Variants in INPP4A observed in about 807,000 individuals in gnomAD.
INPP4A encodes inositol polyphosphate-4-phosphatase, type I, 107kD.
Under a neutral mutation model 119.8 loss-of-function variants are expected in INPP4A, and 33 were observed. The observed-to-expected ratio is 0.28, with a 90% CI of 0.21 to 0.37. The LOEUF is 0.37. Ranked by LOEUF, INPP4A falls within the 10% of genes least tolerant of loss-of-function variation. The pLI, the probability that INPP4A is intolerant of heterozygous loss-of-function variation, is 1.00. For missense variants in INPP4A, 956 were observed against 1,289.9 expected (o/e 0.74, Z 3.97); for synonymous variants, 496 against 500.7 (o/e 0.99, Z 0.12).
chr2:98,548,918 A>G (rs1256203529), intron 13 of INPP4A: 9 of 1,589,348 alleles, frequency 5.7e-6, no homozygotes, highest in South Asian at 1.2e-5. Flanking sequence ...TTGCTAACAA[A>G]CTGCTAATAT....
intron 13 of INPP4A, 27 bp from the exon 14 acceptor site, chr2:98,552,759 C>T (rs1179858978): frequency 1.3e-6 from 2 of 1,568,460 alleles, no homozygotes; most frequent in Non-Finnish European, 1.8e-6. Flanking sequence ...TGGAGAATCC[C>T]TTAGAATCCA....
intron 1 of INPP4A, among the ~76,000 whole-genome samples, chr2:98,475,388 A>G (rs1367251291): frequency 1.3e-5 from 2 of 152,166 alleles, no homozygotes; most frequent in East Asian, 1.9e-4. Context: ...CTAAAACCCC[A>G]TGGGCGGTGT....
intron 21 of INPP4A, among the ~76,000 whole-genome samples, chr2:98,567,075 C>T (rs1172487647): frequency 6.6e-6 from 1 of 152,154 alleles, no homozygotes; most frequent in Non-Finnish European, 1.5e-5. Context: ...GAAGAACTCT[C>T]AGTGGGGCAG....
Position 98,546,803 on chromosome 2 carries a change from T to A in INPP4A, c.1163+109T>A. The A allele has an allele frequency of 1.4e-6, 1 of 705,406 alleles. No individual in the cohort carries two copies. Among genetic ancestry groups the A allele is most frequent in the Middle Eastern group, 2.5e-4 (1 of 4,036 alleles). The allele number at this position is 705,406 out of a possible 1,614,324, so 43.7% of individuals were successfully genotyped here. On this transcript the variant is annotated intron_variant, in intron 13 of 24. Coordinates refer to ENST00000409851, the MANE Select transcript of INPP4A (RefSeq NM_001134225.2). The surrounding 1 kb of genome is among the most constrained non-coding windows in gnomAD (Gnocchi z 4.2). ...CGCAAAAACACCCAGCCATCTGATC[T>A]GCTTTTGCGTGGCAGGAGGATCTGC... is the stretch of plus-strand genomic sequence containing the variant.
intron 8 of INPP4A, among the ~76,000 whole-genome samples, 180 bp from the exon 9 acceptor site, chr2:98,538,711 A>T (rs1289781699): frequency 1.3e-5 from 2 of 152,256 alleles, no homozygotes; most frequent in African/African-American, 4.8e-5. Context: ...GCATGAAGTG[A>T]TTCAACACAC....
In INPP4A at chr2:98,587,723, T is replaced by TTA. The variant is rs1553525471; in HGVS notation, c.*115_*116insTA. 2.0e-5 allele frequency: 18 copies of TTA among 904,980 alleles called. No homozygotes were observed. The African/African-American group carries it at 3.2e-4, about 16-fold the overall frequency. The allele number at this position is 904,980 out of a possible 1,614,324, so 56.1% of individuals were successfully genotyped here. ...TGGTTTTTATTTTTTGTGGTTTTTT[T>TTA]AAAAAAAACATTTCACTAAAGAGTC... On this transcript the variant is annotated 3_prime_UTR_variant, in exon 25 of 25. Transcript: ENST00000409851.
intron 1 of INPP4A, among the ~76,000 whole-genome samples, chr2:98,509,665 C>T (rs1342320685): frequency 6.6e-6 from 1 of 152,196 alleles, no homozygotes; most frequent in South Asian, 2.1e-4. Flanking sequence ...CCGCCCACCC[C>T]AGGCTGCTCC....
intron 1 of INPP4A, among the ~76,000 whole-genome samples, chr2:98,491,875 A>C (rs1266367935): frequency 6.6e-6 from 1 of 150,990 alleles, no homozygotes; most frequent in Non-Finnish European, 1.5e-5. Flanking sequence ...ATAAGTTCAA[A>C]ATATCATATG....
chr2:98,568,349 G>A (rs1240024781), intron 21 of INPP4A, among the ~76,000 whole-genome samples: 3 of 152,152 alleles, frequency 2.0e-5, no homozygotes, highest in South Asian at 2.1e-4. Context: ...TCTCAGGCAC[G>A]CCTGTAACAG....
chr2:98,509,403 C>T (rs1475081047), intron 1 of INPP4A, among the ~76,000 whole-genome samples: 1 of 152,210 alleles, frequency 6.6e-6, no homozygotes. Context: ...TTGCGTGCTC[C>T]TTATGAGAAT....
intron 1 of INPP4A, among the ~76,000 whole-genome samples, chr2:98,494,451 G>A (rs1442213828): frequency 2.0e-5 from 3 of 152,158 alleles, no homozygotes; most frequent in Admixed American, 2.0e-4. Context: ...TAAAGTGGAA[G>A]TGTCACTCCG....
chr2:98,454,749 A>G (rs1013663049), intron 1 of INPP4A, among the ~76,000 whole-genome samples: 2 of 102,444 alleles, frequency 2.0e-5, no homozygotes. Context: ...TTGAGAGGAG[A>G]AGGATGTGGG....
intron 1 of INPP4A, among the ~76,000 whole-genome samples, chr2:98,445,330 C>T (rs556751398): frequency 6.6e-6 from 1 of 152,240 alleles, no homozygotes; most frequent in Non-Finnish European, 1.5e-5. Context: ...AGCAGGGAGC[C>T]GGGTGCCGAG....
chr2:98,458,503 C>G (rs528626917), intron 1 of INPP4A, among the ~76,000 whole-genome samples: 4 of 152,264 alleles, frequency 2.6e-5, no homozygotes, highest in Non-Finnish European at 5.9e-5. Context: ...GATTGTTTTG[C>G]TAGCCAGTTC....
At chr2:98,483,499 C>CG (rs1488230392) in intron 1 of INPP4A, among the ~76,000 whole-genome samples, 1 of 152,130 alleles carries the variant, frequency 6.6e-6, no homozygotes, top group East Asian at 1.9e-4. Flanking sequence ...CATGTTCCCC[C>CG]CCGGTCTTGT....
rs926214319 is a variant in INPP4A at position 98,590,220 on chromosome 2, C to T, written c.*2612C>T. The T allele has an allele frequency of 9.7e-6, 2 of 205,332 alleles. No individual in the cohort carries two copies. The highest frequency in any genetic ancestry group is 1.2e-4 in the Admixed American group (2 of 16,796). 12.7% of individuals were successfully genotyped at this position (205,332 alleles called of 1,614,324 possible). ...TCTATGTGACCAGCCTGTGACTGGA[C>T]CATTGTTCTTGGGCATTGCATTGAG... On this transcript the variant is annotated 3_prime_UTR_variant, in exon 25 of 25. Coordinates refer to ENST00000409851, the MANE Select transcript of INPP4A (RefSeq NM_001134225.2).
intron 10 of INPP4A, among the ~76,000 whole-genome samples, chr2:98,542,413 A>C (rs1559040803): frequency 1.3e-5 from 2 of 152,070 alleles, no homozygotes; most frequent in East Asian, 1.9e-4. Flanking sequence ...GGAAAACATG[A>C]GTGCAGTATA....
At position 98,539,642 on chromosome 2, in the gene INPP4A, T is replaced by A; in HGVS notation, c.785T>A (p.Phe262Tyr). ...CTCTCCCTGCACGTGCCCCGGCAGT[T>A]CGTGAAGCTCCTACTAGAGGAAGAT... ...SVLSLHVPRQ[F>Y]VKLLLEEDAA... The change falls in exon 10 of 25, where the codon TTC becomes TAC. Residue 262 changes from phenylalanine to tyrosine, a missense_variant. By Grantham distance (22) the Phe-to-Tyr change is conservative. Transcript: ENST00000409851. The A allele has an allele frequency of 6.2e-7, 1 of 1,610,292 alleles. No homozygotes were observed. Among genetic ancestry groups the A allele is most frequent in the Non-Finnish European group, 8.5e-7 (1 of 1,178,322 alleles).
intron 1 of INPP4A, among the ~76,000 whole-genome samples, chr2:98,447,210 G>A (rs2104377541): frequency 6.6e-6 from 1 of 152,210 alleles, no homozygotes; most frequent in Non-Finnish European, 1.5e-5. Context: ...TTCCAGAAAA[G>A]TTGCCACAAC....
Sources: gnomAD v4.1 joint callset for allele counts (sites outside exome capture counted in the v4.1 genomes callset) on GRCh38, gnomAD v4.1.1 for gene constraint, Gnocchi (gnomAD v3.1) non-coding constraint, MANE v1.5 for transcripts, NCBI Gene and HGNC (gene_info 2026-07-23, HGNC 2026-07-21) for gene names.